TTLL5: variants seen among roughly 807,000 people sequenced by gnomAD.
TTLL5 encodes the protein tubulin polyglutamylase TTLL5.
Under a neutral mutation model 168.4 loss-of-function variants are expected in TTLL5, and 132 were observed. The observed-to-expected ratio is 0.78, with a 90% CI of 0.68 to 0.91. The LOEUF is 0.91. TTLL5 is among the 40% of genes least tolerant of loss of function. TTLL5 has a pLI of 0.00. For synonymous variants in TTLL5, 546 were observed against 558.6 expected (o/e 0.98, Z 0.32); for missense variants, 1,545 against 1,581.5 (o/e 0.98, Z 0.39).
chr14:75,690,300 A>G lies in TTLL5; in HGVS notation c.480A>G (p.Pro160=), dbSNP rs750537700. The G allele has an allele frequency of 6.2e-7, 1 of 1,608,530 alleles. No individual in the cohort carries two copies. Among genetic ancestry groups the G allele is most frequent in the Non-Finnish European group, 8.5e-7 (1 of 1,177,900 alleles). Residue 160 remains proline (P), a synonymous_variant, in exon 6 of 32, where the codon CCA becomes CCG. Coordinates refer to ENST00000298832, the MANE Select transcript of TTLL5 (RefSeq NM_015072.5). ...FHILPQTFLL[P]AEYAEFCNSY... Reference sequence around the variant, plus strand: ...TCCTCCCCCAGACCTTCCTCCTGCCAGCTGAGTACGCGGAATTTTGTAGTA... The same window carrying G: ...TCCTCCCCCAGACCTTCCTCCTGCCGGCTGAGTACGCGGAATTTTGTAGTA...
At chr14:75,844,252 C>G (rs570780602) in intron 28 of TTLL5, among the ~76,000 whole-genome samples, 22 of 152,204 alleles carry the variant, frequency 1.4e-4, no homozygotes, top group South Asian at 4.1e-4. Context: ...GGTTGAGGTT[C>G]CTTCTTTGCC....
chr14:75,802,482 G>T (rs1893379427), intron 27 of TTLL5, among the ~76,000 whole-genome samples: 1 of 152,112 alleles, frequency 6.6e-6, no homozygotes, highest in South Asian at 2.1e-4. Context: ...AAGTTGTTGG[G>T]TATTTCTGAA....
chr14:75,950,681 G>T (rs2034934522), intron 31 of TTLL5, among the ~76,000 whole-genome samples: 1 of 152,086 alleles, frequency 6.6e-6, no homozygotes, highest in South Asian at 2.1e-4. Context: ...AAAAACCTTT[G>T]TCAGGGCTGG....
chr14:75,890,078 C>A (rs535976710), intron 30 of TTLL5, among the ~76,000 whole-genome samples: 90 of 152,278 alleles, frequency 5.9e-4, no homozygotes, highest in African/African-American at 2.1e-3. Flanking sequence ...AAACTGGCTT[C>A]AGGTGATTGC....
In TTLL5 at chr14:75,710,131, T is replaced by A. The variant is rs544232725; in HGVS notation, c.740+2424T>A. 5.3e-5 allele frequency: 8 copies of A among 152,258 alleles called. No individual in the cohort carries two copies. The East Asian group carries it at 1.2e-3, about 22-fold the overall frequency. 9.4% of individuals were successfully genotyped at this position (152,258 alleles called of 1,614,324 possible). A position where few individuals can be genotyped will look rare whatever the true frequency, so the allele number is the denominator to read the frequency against. On this transcript the variant is annotated intron_variant, in intron 9 of 31. Coordinates refer to ENST00000298832, the MANE Select transcript of TTLL5 (RefSeq NM_015072.5). ...AAGAGATGGAGGTTGTGCTTCACTGTTTCTCAAGGACATCATAGCAATATG... is the reference window on the plus strand; with the variant it reads ...AAGAGATGGAGGTTGTGCTTCACTGATTCTCAAGGACATCATAGCAATATG...
chr14:75,897,159 T>G (rs1414249227), intron 30 of TTLL5, among the ~76,000 whole-genome samples: 1 of 124,474 alleles, frequency 8.0e-6, no homozygotes, highest in Admixed American at 8.8e-5. Context: ...AATGCTCATT[T>G]GAGGTGCTTT....
chr14:75,779,788 G>A, intron 24 of TTLL5, 86 bp downstream of exon 24: 1 of 1,390,968 alleles, frequency 7.2e-7, no homozygotes, highest in East Asian at 2.5e-5. Flanking sequence ...TAATGTGTTG[G>A]CTAAGCACTA....
chr14:75,739,035 G>C (rs567377351), intron 15 of TTLL5, among the ~76,000 whole-genome samples: 1 of 152,248 alleles, frequency 6.6e-6, no homozygotes, highest in Non-Finnish European at 1.5e-5. Context: ...TGGAACTCCT[G>C]AGCTCAAGCG....
At chr14:75,827,480 G>A (rs938915652) in intron 28 of TTLL5, among the ~76,000 whole-genome samples, 1 of 152,080 alleles carries the variant, frequency 6.6e-6, no homozygotes, top group Non-Finnish European at 1.5e-5. Context: ...GGTGATGTGT[G>A]CAAAGCTAGT....
intron 2 of TTLL5, among the ~76,000 whole-genome samples, chr14:75,668,997 TG>T (rs1292834282): frequency 6.6e-6 from 1 of 152,192 alleles, no homozygotes; most frequent in Non-Finnish European, 1.5e-5. Flanking sequence ...GGTCACAAAA[TG>T]GTTGTTGCCC....
chr14:75,793,201 A>G (rs1221026520), intron 27 of TTLL5, 101 bp downstream of exon 27: 60 of 1,093,244 alleles, frequency 5.5e-5, no homozygotes, highest in Non-Finnish European at 7.0e-5. Context: ...CCATATACTG[A>G]TGCCTCTTGA....
chr14:75,928,366 T>TATATATATATATATATATATATA (rs1202108865), intron 31 of TTLL5, among the ~76,000 whole-genome samples: 16 of 142,358 alleles, frequency 1.1e-4, no homozygotes, highest in African/African-American at 4.2e-4. Context: ...TATATATATA[T>TATATATATATATATATATATATA]ATCACTGTAT....
At chr14:75,843,618 G>A (rs1033892851) in intron 28 of TTLL5, among the ~76,000 whole-genome samples, 5 of 152,234 alleles carry the variant, frequency 3.3e-5, no homozygotes, top group Non-Finnish European at 5.9e-5. Context: ...CTGCAGAGCA[G>A]ATGAGTGCTC....
intron 9 of TTLL5, among the ~76,000 whole-genome samples, chr14:75,713,043 G>C (rs543456344): frequency 2.0e-5 from 3 of 152,232 alleles, no homozygotes; most frequent in Non-Finnish European, 4.4e-5. Flanking sequence ...AAGGTCTGTC[G>C]TGAGAACTTT....
intron 14 of TTLL5, 76 bp downstream of exon 14, chr14:75,734,126 T>A (rs1173865133): frequency 6.9e-7 from 1 of 1,448,000 alleles, no homozygotes; most frequent in Non-Finnish European, 9.7e-7. Flanking sequence ...CTCCATAGGT[T>A]TTGCCAACTG....
intron 31 of TTLL5, among the ~76,000 whole-genome samples, chr14:75,903,525 C>T (rs1274148224): frequency 2.0e-5 from 3 of 151,832 alleles, no homozygotes; most frequent in African/African-American, 7.3e-5. Flanking sequence ...CAATAAGGAG[C>T]CATCGAGGAG....
intron 28 of TTLL5, among the ~76,000 whole-genome samples, chr14:75,859,272 T>C (rs1464166322): frequency 6.6e-6 from 1 of 152,242 alleles, no homozygotes; most frequent in Non-Finnish European, 1.5e-5. Context: ...TCAATGTTTA[T>C]TGGCTGGAGG....
At chr14:75,860,287 G>T (rs1025096917) in intron 28 of TTLL5, among the ~76,000 whole-genome samples, 3 of 152,098 alleles carry the variant, frequency 2.0e-5, no homozygotes, top group African/African-American at 7.2e-5. Context: ...CCCACATAAA[G>T]GGGCCTGGTT....
intron 5 of TTLL5, 181 bp from the exon 6 acceptor site, chr14:75,690,011 A>G (rs1332573481): frequency 1.1e-5 from 7 of 621,432 alleles, no homozygotes; most frequent in South Asian, 2.5e-5. Context: ...AAATCTGACC[A>G]AAAAACCCAT....
Sources: gnomAD v4.1 joint callset for allele counts (sites outside exome capture counted in the v4.1 genomes callset) on GRCh38, gnomAD v4.1.1 for gene constraint, MANE v1.5 for transcripts, NCBI Gene and HGNC (gene_info 2026-07-23, HGNC 2026-07-21) for gene names.